The following PDPR variants were observed in gnomAD, a reference collection of about 807,000 sequenced individuals.
The protein encoded by PDPR is pyruvate dehydrogenase phosphatase regulatory subunit, mitochondrial.
A neutral mutation model predicts 102.2 loss-of-function variants in PDPR; 50 were observed. The ratio of observed to expected loss-of-function variants is 0.49; its 90% CI spans 0.39 to 0.62. The LOEUF (loss-of-function observed/expected upper bound fraction) is 0.62. PDPR is among the 20% of genes least tolerant of loss of function. The pLI is 0.00. For synonymous variants in PDPR, 259 were observed against 406.0 expected (o/e 0.64, Z 4.35); for missense variants, 625 against 1,098.2 (o/e 0.57, Z 6.09).
chr16:70,123,191 C>T (rs1480819983), intron 3 of PDPR, among the ~76,000 whole-genome samples: 7 of 152,234 alleles, frequency 4.6e-5, no homozygotes, highest in Non-Finnish European at 1.0e-4. Context: ...CATGAGCCAC[C>T]GTGCCCGGCC....
At chr16:70,148,758 GT>G (rs1170621802) in intron 17 of PDPR, among the ~76,000 whole-genome samples, 4 of 152,270 alleles carry the variant, frequency 2.6e-5, no homozygotes, top group Non-Finnish European at 5.9e-5. Context: ...AGTTATATAA[GT>G]TTTTTTGAAT....
rs1039220119 is a variant in PDPR, at chr16:70,160,590, G to C, written c.*3711G>C. On this transcript the variant is annotated 3_prime_UTR_variant, in exon 19 of 19. Coordinates refer to ENST00000288050, the MANE Select transcript of PDPR (RefSeq NM_017990.5). Reference sequence around the variant, plus strand: ...AGTGGAGCCTGGCCACTCCTGTTTGGTTCTCACTGGGAGGCCCACTGGCCT... The same window carrying C: ...AGTGGAGCCTGGCCACTCCTGTTTGCTTCTCACTGGGAGGCCCACTGGCCT... The C allele has an allele frequency of 6.6e-6, 1 of 152,598 alleles. No individual in the cohort carries two copies. The highest frequency in any genetic ancestry group is 2.4e-5 in the African/African-American group (1 of 41,484). 9.5% of individuals were successfully genotyped at this position (152,598 alleles called of 1,614,324 possible). A position where few individuals can be genotyped will look rare whatever the true frequency, so the allele number is the denominator to read the frequency against.
intron 18 of PDPR, 69 bp from the exon 19 acceptor site, chr16:70,156,406 C>T (rs890855709): frequency 7.5e-5 from 118 of 1,563,976 alleles, no homozygotes; most frequent in Non-Finnish European, 9.6e-5. Context: ...GGACCCTTCC[C>T]ACGGTGCTGC....
intron 9 of PDPR, among the ~76,000 whole-genome samples, chr16:70,135,970 G>A (rs1965090532): frequency 6.6e-6 from 1 of 152,188 alleles, no homozygotes; most frequent in East Asian, 1.9e-4. Context: ...TTGGCAGGCT[G>A]AGGTGAGAGA....
chr16:70,127,456 A>G (rs1202196928), intron 4 of PDPR, 63 bp downstream of exon 4: 11 of 1,569,450 alleles, frequency 7.0e-6, no homozygotes, highest in African/African-American at 1.4e-5. Context: ...TCATTTCTGT[A>G]TTTGGTCCTC....
chr16:70,131,880 T>C, intron 8 of PDPR: 1 of 1,447,308 alleles, frequency 6.9e-7, no homozygotes, highest in Non-Finnish European at 9.1e-7. Flanking sequence ...GGGAGTTACG[T>C]GGTTTGCTTG....
intron 2 of PDPR, among the ~76,000 whole-genome samples, chr16:70,118,294 AG>A (rs1410907200): frequency 3.9e-5 from 6 of 152,246 alleles, no homozygotes; most frequent in Non-Finnish European, 7.3e-5. Context: ...GTGGGTCTAT[AG>A]GAAGGGTTTC....
chr16:70,155,913 C>T (rs1421867875), intron 18 of PDPR, among the ~76,000 whole-genome samples: 1 of 151,470 alleles, frequency 6.6e-6, no homozygotes, highest in Non-Finnish European at 1.5e-5. Flanking sequence ...AACGATTTTC[C>T]TGTCTCAGTC....
intron 10 of PDPR, among the ~76,000 whole-genome samples, chr16:70,138,285 C>G (rs1178436913): frequency 1.5e-5 from 2 of 137,628 alleles, no homozygotes; most frequent in Admixed American, 1.6e-4. Context: ...ATGGCGTGAT[C>G]TAGGCTTACT....
At chr16:70,132,650 T>C (rs1308619253) in intron 9 of PDPR, among the ~76,000 whole-genome samples, 14 of 132,324 alleles carry the variant, frequency 1.1e-4, no homozygotes, top group African/African-American at 4.1e-4. Context: ...CTCATAGCTT[T>C]TTTTTTTTCT....
downstream of PDPR, among the ~76,000 whole-genome samples, chr16:70,162,949 G>A (rs1030037959): frequency 6.6e-6 from 1 of 152,246 alleles, no homozygotes; most frequent in Non-Finnish European, 1.5e-5. Context: ...GACTTGACCT[G>A]TTCACTAATT....
intron 9 of PDPR, among the ~76,000 whole-genome samples, chr16:70,133,693 AAGGTGTG>A (rs1964794551): frequency 6.8e-6 from 1 of 146,394 alleles, no homozygotes; most frequent in Non-Finnish European, 1.5e-5. Context: ...GCTGGGAGTA[AAGGTGTG>A]AGCCACTGTG....
At chr16:70,153,890 A>T (rs1411113667) in intron 18 of PDPR, among the ~76,000 whole-genome samples, 6 of 152,246 alleles carry the variant, frequency 3.9e-5, no homozygotes, top group African/African-American at 1.4e-4. Context: ...CTAAAAATAC[A>T]AAAAGTAGGC....
Position 70,127,292 on chromosome 16 carries a change from G to T in PDPR, c.260G>T (p.Gly87Val). The T allele has an allele frequency of 6.2e-7, 1 of 1,607,832 alleles. No homozygotes were observed. The highest frequency in any genetic ancestry group is 1.7e-5 in the Admixed American group (1 of 58,540). The part of the protein sequence containing the change: ...LAAGSTRFCA[G>V]ILSTARHLTI... ...GCTGGCTCTACCAGGTTCTGTGCTG[G>T]CATCCTGAGCACTGCCAGGCACTTG... The change falls in exon 4 of 19, where the codon GGC becomes GTC. Residue 87 changes from glycine to valine, a missense_variant. By Grantham distance (109) the Gly-to-Val change is moderately radical (BLOSUM62 -3). Transcript: ENST00000288050.
chr16:70,148,704 A>T (rs1966452525), intron 17 of PDPR, 151 bp downstream of exon 17: 1 of 702,040 alleles, frequency 1.4e-6, no homozygotes, highest in Non-Finnish European at 2.6e-6. Flanking sequence ...GGGCCTTGGG[A>T]GCTGAGGTAG....
intron 17 of PDPR, among the ~76,000 whole-genome samples, chr16:70,152,599 A>C (rs925021641): frequency 2.6e-5 from 4 of 152,302 alleles, no homozygotes; most frequent in African/African-American, 9.6e-5. Context: ...GGTGCAGTTC[A>C]TAGAAACATA....
intron 2 of PDPR, among the ~76,000 whole-genome samples, chr16:70,116,628 GGTTA>G (rs1962665456): frequency 6.7e-6 from 1 of 149,284 alleles, no homozygotes; most frequent in Non-Finnish European, 1.5e-5. Context: ...AACGGGAACT[GGTTA>G]GTGAGGCCCA....
chr16:70,155,398 CA>C (rs1344029183), intron 18 of PDPR, among the ~76,000 whole-genome samples: 1 of 152,230 alleles, frequency 6.6e-6, no homozygotes. Flanking sequence ...TCTCCTGCCT[CA>C]GTCTCCCGAG....
rs60054362 is a variant in PDPR, at chr16:70,155,802, C to CTTTTT, written c.2236-660_2236-656dup. Among the ~76,000 whole-genome samples, 224 of 139,638 alleles carry CTTTTT rather than the reference C, an allele frequency of 1.6e-3. 2 individuals carry two copies. Among genetic ancestry groups the CTTTTT allele is most frequent in the African/African-American group, 5.7e-3 (213 of 37,234 alleles). The allele number at this position is 139,638 out of a possible 152,430, so 91.6% of individuals were successfully genotyped here. On this transcript the variant is annotated intron_variant, in intron 18 of 18. Coordinates refer to ENST00000288050, the MANE Select transcript of PDPR (RefSeq NM_017990.5). ...TCTTGTTGGGATTATATAAAAAAGT[C>CTTTTT]TTTTTTTTTTTTTTTTTGAGACAGA... is the stretch of plus-strand genomic sequence containing the variant.
Sources: allele counts gnomAD v4.1 joint callset (sites outside exome capture counted in the v4.1 genomes callset), GRCh38; gene constraint gnomAD v4.1.1; transcripts MANE v1.5; gene names NCBI Gene and HGNC (gene_info 2026-07-23, HGNC 2026-07-21).